Variants in NAP1L4 observed in about 807,000 individuals in gnomAD.
The protein encoded by NAP1L4 is nucleosome assembly protein 1-like 4.
Under a neutral mutation model 58.2 loss-of-function variants are expected in NAP1L4, and 15 were observed. The observed-to-expected ratio is 0.26, with a 90% CI of 0.17 to 0.40. The LOEUF is 0.40. Ranked by LOEUF, NAP1L4 falls within the 10% of genes least tolerant of loss-of-function variation. The probability of loss-of-function intolerance (pLI) is 1.00; values close to 1 mark genes in which losing one functional copy is unlikely to be tolerated. For synonymous variants in NAP1L4, 171 were observed against 155.6 expected, an observed-to-expected ratio of 1.10 and a Z score of -0.74; for missense variants, 384 against 451.1, an observed-to-expected ratio of 0.85 and a Z score of 1.35.
At position 2,951,498 on chromosome 11, in the gene NAP1L4, G is replaced by A. The variant is rs1846224141; in HGVS notation, c.1066-183C>T. Among the ~76,000 whole-genome samples, 1 of 152,160 alleles carries A rather than the reference G, an allele frequency of 6.6e-6. No homozygotes were observed. Among genetic ancestry groups the A allele is most frequent in the South Asian group, 2.1e-4 (1 of 4,826 alleles). On this transcript the variant is annotated intron_variant, in intron 13 of 15. Coordinates refer to ENST00000380542, the MANE Select transcript of NAP1L4 (RefSeq NM_005969.4). The surrounding 1 kb of genome is among the most constrained non-coding windows in gnomAD (Gnocchi z 4.0). ...TTCTAGGTATCTTTTTGTTCTCACA[G>A]AGAGCCCTGAAAGAAACAAAATTCT...
intron 1 of NAP1L4, among the ~76,000 whole-genome samples, chr11:2,979,497 G>A (rs1444283526): frequency 6.6e-6 from 1 of 152,094 alleles, no homozygotes; most frequent in Non-Finnish European, 1.5e-5. Context: ...TCTCGGCCTG[G>A]CGCGGTGGTT....
At chr11:2,981,569 C>T (rs1003822854) in intron 1 of NAP1L4, 1 of 152,426 alleles carries the variant, frequency 6.6e-6, no homozygotes, top group African/African-American at 2.4e-5. Context: ...TAGCTCACAC[C>T]TGTAATCCCA....
intron 10 of NAP1L4, 67 bp downstream of exon 10, chr11:2,958,331 GA>G: frequency 1.3e-6 from 2 of 1,510,572 alleles, no homozygotes; most frequent in Middle Eastern, 1.7e-4. Flanking sequence ...TGGGTGTTAG[GA>G]ATCTATCAGG....
Position 2,971,961 on chromosome 11 carries a change from A to T in NAP1L4, c.315+141T>A. On this transcript the variant is annotated intron_variant, in intron 5 of 15. Coordinates refer to ENST00000380542, the MANE Select transcript of NAP1L4 (RefSeq NM_005969.4). The surrounding 1 kb of genome is among the most constrained non-coding windows in gnomAD (Gnocchi z 4.2). Reference sequence around the variant, plus strand: ...TAATGTTAGCGTTCTGAGCTTGTTTAAGGTAGTCTAGACTAAGCTATGTTT... The same window carrying T: ...TAATGTTAGCGTTCTGAGCTTGTTTTAGGTAGTCTAGACTAAGCTATGTTT... The T allele has an allele frequency of 2.5e-6, 2 of 804,718 alleles. No individual in the cohort carries two copies. The highest frequency in any genetic ancestry group is 3.7e-6 in the Non-Finnish European group (2 of 546,494). The allele number at this position is 804,718 out of a possible 1,614,324, so 49.8% of individuals were successfully genotyped here.
Position 2,964,662 on chromosome 11 carries a change from G to C in NAP1L4, c.606+18C>G, listed in dbSNP as rs778639312. 6.2e-7 allele frequency: 1 copy of C among 1,606,710 alleles called. No individual in the cohort carries two copies. Among genetic ancestry groups the C allele is most frequent in the Non-Finnish European group, 8.5e-7 (1 of 1,174,092 alleles). On this transcript the variant is annotated intron_variant, in intron 8 of 15. Coordinates refer to ENST00000380542, the MANE Select transcript of NAP1L4 (RefSeq NM_005969.4). ...TGACCCTGTCTGATGCCAACCAGAA[G>C]GTCAAGTCAGTACTCACCATAGGCT...
chr11:2,986,626 AT>A (rs66494210), intron 1 of NAP1L4, among the ~76,000 whole-genome samples: 67 of 139,696 alleles, frequency 4.8e-4, no homozygotes, highest in Non-Finnish European at 4.1e-4. Flanking sequence ...ATGGTAGTAA[AT>A]TTTTTTTTTT....
At chr11:2,988,410 A>G (rs4758621) in intron 1 of NAP1L4, among the ~76,000 whole-genome samples, 41,827 of 152,158 alleles carry the variant, frequency 0.27, 7,592 homozygotes, top group East Asian at 0.68. Context: ...ACCTGCCACC[A>G]TTGAACTTGT....
At chr11:2,987,756 CAAAAAAA>C (rs57754393) in intron 1 of NAP1L4, among the ~76,000 whole-genome samples, 10 of 70,456 alleles carry the variant, frequency 1.4e-4, no homozygotes, top group African/African-American at 4.9e-4. Context: ...GACTCCACCT[CAAAAAAA>C]AAAAAAAAAA....
Position 2,954,396 on chromosome 11 carries a change from G to T in NAP1L4, c.1035+131C>A. 7.7e-7 allele frequency: 1 copy of T among 1,293,014 alleles called. No homozygotes were observed. Among genetic ancestry groups the T allele is most frequent in the Non-Finnish European group, 1.1e-6 (1 of 905,852 alleles). 80.1% of individuals were successfully genotyped at this position (1,293,014 alleles called of 1,614,324 possible). A position where few individuals can be genotyped will look rare whatever the true frequency, so the allele number is the denominator to read the frequency against. ...CCCCCCACAACAAGGACAGCAGCTT[G>T]GACTACATATCTGGCTGATGATGTA... On this transcript the variant is annotated intron_variant, in intron 12 of 15. Transcript: ENST00000380542. This position sits in a 1 kb window ranked among gnomAD's most constrained non-coding sequence, Gnocchi z 4.8.
chr11:2,987,446 C>T (rs1168031698), intron 1 of NAP1L4, among the ~76,000 whole-genome samples: 3 of 151,330 alleles, frequency 2.0e-5, no homozygotes, highest in African/African-American at 7.3e-5. Flanking sequence ...CATGCCAGGC[C>T]CATGATAATG....
At chr11:2,963,440 G>C (rs554291660) in intron 8 of NAP1L4, among the ~76,000 whole-genome samples, 80 of 152,296 alleles carry the variant, frequency 5.3e-4, no homozygotes, top group African/African-American at 1.8e-3. Flanking sequence ...ATCCCCTCTG[G>C]AGGGCAGCCC....
At position 2,976,103 on chromosome 11, in the gene NAP1L4, T is replaced by C. The variant is rs367931607; in HGVS notation, c.94A>G (p.Met32Val). The C allele has an allele frequency of 1.5e-5, 25 of 1,613,768 alleles. No homozygotes were observed. In the African/African-American group the frequency reaches 2.9e-4, roughly 19 times the overall value. ...SNTEKLTDQV[M>V]QNPRVLAALQ... Reference sequence around the variant, plus strand: ...GCTGCCAGAACTCGAGGATTCTGCATCACCTGATCTGTGAGCTTTTCTATG... The same window carrying C: ...GCTGCCAGAACTCGAGGATTCTGCACCACCTGATCTGTGAGCTTTTCTATG... Residue 32 changes from methionine to valine, a missense_variant, in exon 4 of 16, where the codon ATG becomes GTG. Around this residue, in one of 3 missense-constraint regions of NAP1L4, gnomAD observed 84 missense variants for 73.7 expected, o/e 1.14. Coordinates refer to ENST00000380542, the MANE Select transcript of NAP1L4 (RefSeq NM_005969.4).
In NAP1L4 at chr11:2,948,643, C is replaced by A. The variant is rs1214078585; in HGVS notation, c.*32+584G>T. 2.0e-5 allele frequency among the ~76,000 whole-genome samples: 3 copies of A among 152,200 alleles called. No homozygotes were observed. The highest frequency in any genetic ancestry group is 4.4e-5 in the Non-Finnish European group (3 of 68,036). On this transcript the variant is annotated intron_variant, in intron 15 of 15. Coordinates refer to ENST00000380542, the MANE Select transcript of NAP1L4 (RefSeq NM_005969.4). This position sits in a 1 kb window ranked among gnomAD's most constrained non-coding sequence, Gnocchi z 5.1. ...GGTTCTTGCTTCATTCAACTAGCAC[C>A]AACCTCACAACAGTACTTTTTACTG... is the stretch of plus-strand genomic sequence containing the variant.
chr11:2,987,972 T>C (rs1848744210), intron 1 of NAP1L4: 1 of 152,098 alleles, frequency 6.6e-6, no homozygotes, highest in Non-Finnish European at 1.5e-5. Context: ...GCACGCATGG[T>C]GCCCGGGACT....
chr11:2,968,228 T>C (rs1271504123), intron 7 of NAP1L4, among the ~76,000 whole-genome samples: 1 of 152,166 alleles, frequency 6.6e-6, no homozygotes, highest in Non-Finnish European at 1.5e-5. Context: ...GGGTGCACAT[T>C]AGAGTTCCTA....
At chr11:2,952,755 C>T (rs1166207785) in intron 12 of NAP1L4, 2 of 152,232 alleles carry the variant, frequency 1.3e-5, no homozygotes, top group Non-Finnish European at 2.9e-5. Flanking sequence ...CCAGCAGGCT[C>T]CAGGGCCTAT....
chr11:2,959,096 C>A lies in NAP1L4; in HGVS notation c.747-552G>T, dbSNP rs1037754897. Among the ~76,000 whole-genome samples, 2 of 152,238 alleles carry A rather than the reference C, an allele frequency of 1.3e-5. No individual in the cohort carries two copies. The highest frequency in any genetic ancestry group is 4.8e-5 in the African/African-American group (2 of 41,462). On this transcript the variant is annotated intron_variant, in intron 9 of 15. Transcript: ENST00000380542. The surrounding 1 kb of genome is among the most constrained non-coding windows in gnomAD (Gnocchi z 4.9). ...GATCTCAATACTGCCCGCTTAAGAA[C>A]ATGCTTGGTAAGGCCAGGCCTTTTT...
rs184722656 is a variant in NAP1L4, at chr11:2,958,715, G to A, written c.747-171C>T. ...GTTCATCTGGAGGTTGGCAAAAAGAGAAACAGCCTGGTCCTCTTTCAACTT... is the reference window on the plus strand; with the variant it reads ...GTTCATCTGGAGGTTGGCAAAAAGAAAAACAGCCTGGTCCTCTTTCAACTT... On this transcript the variant is annotated intron_variant, in intron 9 of 15. Coordinates refer to ENST00000380542, the MANE Select transcript of NAP1L4 (RefSeq NM_005969.4). 96 of 631,070 alleles carry A rather than the reference G, an allele frequency of 1.5e-4. 1 individual carries two copies. The African/African-American group carries it at 1.7e-3, about 11-fold the overall frequency. The allele number at this position is 631,070 out of a possible 1,614,324, so 39.1% of individuals were successfully genotyped here.
chr11:2,972,292 G>A (rs910492547), intron 4 of NAP1L4, 49 bp from the exon 5 acceptor site: 3 of 1,495,504 alleles, frequency 2.0e-6, no homozygotes, highest in Non-Finnish European at 2.7e-6. Flanking sequence ...GCAAAATAAA[G>A]CAGCATGCTT....
Sources: allele counts gnomAD v4.1 joint callset (sites outside exome capture counted in the v4.1 genomes callset), GRCh38; gene constraint gnomAD v4.1.1; regional missense constraint gnomAD v4.1.1; non-coding constraint Gnocchi (gnomAD v3.1); transcripts MANE v1.5; gene names NCBI Gene and HGNC (gene_info 2026-07-23, HGNC 2026-07-21).